Variants in IRAG2 observed in about 807,000 individuals in gnomAD.
The protein encoded by IRAG2 is lymphoid restricted membrane protein.
In IRAG2, 45 loss-of-function variants were observed where a neutral mutation model predicts 69.9. The ratio of observed to expected loss-of-function variants is 0.64; its 90% confidence interval spans 0.51 to 0.83. The LOEUF is 0.83. IRAG2 is among the 40% of genes least tolerant of loss of function. The pLI is 0.00. For synonymous variants in IRAG2, 193 were observed against 202.4 expected (o/e 0.95, Z 0.40); for missense variants, 520 against 587.0 (o/e 0.89, Z 1.18).
At chr12:25,019,320 G>A (rs1254742954) in intron 6 of IRAG2, among the ~76,000 whole-genome samples, 1 of 152,182 alleles carries the variant, frequency 6.6e-6, no homozygotes, top group Non-Finnish European at 1.5e-5. Flanking sequence ...CCAGGTTCTT[G>A]TCCAACATCC....
chr12:24,999,561 C>T (rs751432535), upstream of IRAG2, among the ~76,000 whole-genome samples: 2 of 152,200 alleles, frequency 1.3e-5, no homozygotes, highest in Non-Finnish European at 2.9e-5. Flanking sequence ...TTTTACATTA[C>T]ATTTAGCTCA....
chr12:25,025,133 T>C (rs1230415864), intron 8 of IRAG2, among the ~76,000 whole-genome samples: 1 of 152,230 alleles, frequency 6.6e-6, no homozygotes, highest in Non-Finnish European at 1.5e-5. Flanking sequence ...GCTGACTATA[T>C]GAGCTTAGCA....
intron 2 of IRAG2, among the ~76,000 whole-genome samples, chr12:25,009,785 C>T (rs998639464): frequency 7.3e-6 from 1 of 137,520 alleles, no homozygotes; most frequent in Non-Finnish European, 1.6e-5. Context: ...GCCAACATTT[C>T]AATTCAAGTC....
At chr12:25,023,558 G>A (rs1944599688) in intron 7 of IRAG2, among the ~76,000 whole-genome samples, 1 of 152,174 alleles carries the variant, frequency 6.6e-6, no homozygotes. Flanking sequence ...AAATAGCTGA[G>A]TTTACAACTA....
chr12:25,005,145 A>T (rs569072468), intron 1 of IRAG2: 407 of 562,058 alleles, frequency 7.2e-4, no homozygotes, highest in Middle Eastern at 1.0e-3. Context: ...GCTGTTTATT[A>T]TGATAGGTTT....
chr12:25,062,924 A>G (rs1018314181), intron 3 of IRAG2, 24 bp downstream of exon 3: 1 of 398,988 alleles, frequency 2.5e-6, no homozygotes. Flanking sequence ...TTTTGAAATT[A>G]TTTAGGTAGT....
intron 2 of IRAG2, chr12:25,011,296 A>C: frequency 8.6e-7 from 1 of 1,158,380 alleles, no homozygotes; most frequent in Non-Finnish European, 1.1e-6. Context: ...GAAACATTAA[A>C]GAGATAGGTG....
At chr12:25,029,069 C>G (rs557526022) in intron 9 of IRAG2, among the ~76,000 whole-genome samples, 1 of 152,268 alleles carries the variant, frequency 6.6e-6, no homozygotes, top group African/African-American at 2.4e-5. Context: ...GCTGGGAGTA[C>G]AGAGGCACAC....
Position 25,054,918 on chromosome 12 carries a change from A to G in IRAG2, c.-447+1962A>G, listed in dbSNP as rs151267225. On this transcript the variant is annotated intron_variant, in intron 1 of 21. Coordinates refer to ENST00000556887, the MANE Select transcript of IRAG2 (RefSeq NM_001366544.2). ...CAAACAAATGTCAATGACTGCAGTTATCACACAAACACGTCCACGCACATC... is the reference window on the plus strand; with the variant it reads ...CAAACAAATGTCAATGACTGCAGTTGTCACACAAACACGTCCACGCACATC... Among the ~76,000 whole-genome samples, 190 of 152,350 alleles carry G rather than the reference A, an allele frequency of 1.2e-3. 1 individual carries two copies. The highest frequency in any genetic ancestry group is 0.012 in the Admixed American group (176 of 15,300).
intron 19 of IRAG2, 46 bp from the exon 20 acceptor site, chr12:25,104,315 A>C: frequency 8.2e-7 from 1 of 1,221,076 alleles, no homozygotes. Context: ...GATAATGGCT[A>C]CAGATGTATT....
intron 16 of IRAG2, among the ~76,000 whole-genome samples, chr12:25,043,587 G>T (rs1944767919): frequency 6.6e-6 from 1 of 151,924 alleles, no homozygotes. Flanking sequence ...GCTGCCCAAA[G>T]AATTGGCTTC....
intron 10 of IRAG2, among the ~76,000 whole-genome samples, chr12:25,086,941 G>A (rs1011180393): frequency 1.3e-5 from 2 of 151,900 alleles, no homozygotes; most frequent in African/African-American, 2.4e-5. Flanking sequence ...ATCTATATGC[G>A]GTAAAAGCCT....
chr12:25,064,203 A>C (rs1431488409), intron 4 of IRAG2, among the ~76,000 whole-genome samples: 2 of 152,248 alleles, frequency 1.3e-5, no homozygotes, highest in Non-Finnish European at 2.9e-5. Context: ...CAGAGAAGTC[A>C]AAGATGATTC....
chr12:25,102,164 T>C (rs780058606), intron 16 of IRAG2, 34 bp from the exon 17 acceptor site: 32 of 1,586,528 alleles, frequency 2.0e-5, no homozygotes, highest in Middle Eastern at 1.7e-4. Context: ...GCATGTGTAA[T>C]AGCTAAAATG....
chr12:25,069,032 TA>T (rs934467344), intron 5 of IRAG2, among the ~76,000 whole-genome samples: 1 of 152,190 alleles, frequency 6.6e-6, no homozygotes, highest in Non-Finnish European at 1.5e-5. Flanking sequence ...TAGGAAACAT[TA>T]AAAAATGTCA....
chr12:25,049,157 T>C (rs954060885), upstream of IRAG2, among the ~76,000 whole-genome samples: 2 of 152,218 alleles, frequency 1.3e-5, no homozygotes, highest in African/African-American at 4.8e-5. Flanking sequence ...CCTTGTAGTA[T>C]AGTTTAAAGT....
In IRAG2 at chr12:25,069,388, A is replaced by G; in HGVS notation, c.-20A>G. On this transcript the variant is annotated 5_prime_UTR_variant, in exon 6 of 22. Coordinates refer to ENST00000556887, the MANE Select transcript of IRAG2 (RefSeq NM_001366544.2). ...ACAAGTGGCCCCAGCCCAGGAACGA[A>G]TCTCTCAGGCTGCATCAGGATGAAT... The G allele has an allele frequency of 6.2e-7, 1 of 1,613,404 alleles. No homozygotes were observed. The highest frequency in any genetic ancestry group is 8.5e-7 in the Non-Finnish European group (1 of 1,179,458).
At chr12:25,053,878 C>A (rs144169330) in intron 1 of IRAG2, among the ~76,000 whole-genome samples, 9 of 151,470 alleles carry the variant, frequency 5.9e-5, no homozygotes, top group African/African-American at 2.2e-4. Context: ...ATTTATTGTA[C>A]CCTTTCTACT....
intron 7 of IRAG2, among the ~76,000 whole-genome samples, chr12:25,021,318 C>T (rs2139835621): frequency 6.6e-6 from 1 of 151,976 alleles, no homozygotes; most frequent in Middle Eastern, 3.4e-3. Flanking sequence ...CAGTCACATT[C>T]ACAATAGTTT....
Sources: allele counts gnomAD v4.1 joint callset (sites outside exome capture counted in the v4.1 genomes callset), GRCh38; gene constraint gnomAD v4.1.1; transcripts MANE v1.5; gene names NCBI Gene and HGNC (gene_info 2026-07-23, HGNC 2026-07-21).